SYN3: variants seen among roughly 807,000 people sequenced by gnomAD.
SYN3 encodes the protein synapsin-3.
A neutral mutation model predicts 65.8 loss-of-function variants in SYN3; 35 were observed. The ratio of observed to expected loss-of-function variants is 0.53; its 90% CI spans 0.41 to 0.70. The LOEUF (loss-of-function observed/expected upper bound fraction) is 0.70, where lower values mean the gene tolerates loss of function less well. SYN3 is among the 30% of genes least tolerant of loss of function. The pLI is 0.00. For missense variants in SYN3, 680 were observed against 749.0 expected (o/e 0.91, Z 1.08); for synonymous variants, 270 against 292.9 (o/e 0.92, Z 0.80).
intron 7 of SYN3, among the ~76,000 whole-genome samples, chr22:32,542,907 C>T (rs1356444618): frequency 1.3e-5 from 2 of 151,998 alleles, no homozygotes; most frequent in East Asian, 1.9e-4. Context: ...TCCCACTGGC[C>T]ACGGGAGCCC....
intron 2 of SYN3, among the ~76,000 whole-genome samples, chr22:33,000,335 G>A (rs1012416784): frequency 2.6e-5 from 4 of 152,176 alleles, no homozygotes; most frequent in Admixed American, 6.5e-5. Flanking sequence ...CCCAACAGGA[G>A]AGAGTATCTT....
At chr22:32,814,313 G>GGA (rs2047015340) in intron 6 of SYN3, among the ~76,000 whole-genome samples, 1 of 39,674 alleles carries the variant, frequency 2.5e-5, no homozygotes, top group African/African-American at 1.5e-4. Flanking sequence ...GAGAGAGAGA[G>GGA]AGACAGAAAG....
At chr22:32,690,486 A>G (rs2060647737) in intron 6 of SYN3, among the ~76,000 whole-genome samples, 2 of 152,154 alleles carry the variant, frequency 1.3e-5, no homozygotes, top group Non-Finnish European at 2.9e-5. Context: ...TGAGGCTCGG[A>G]TGGACCTGAG....
At chr22:32,674,761 A>G (rs2060417259) in intron 6 of SYN3, among the ~76,000 whole-genome samples, 1 of 152,198 alleles carries the variant, frequency 6.6e-6, no homozygotes, top group African/African-American at 2.4e-5. Flanking sequence ...TAGATGATAA[A>G]CAAGGCAATA....
Position 32,801,369 on chromosome 22 carries a change from C to T in SYN3, c.711+63546G>A, listed in dbSNP as rs1370417600. Among the ~76,000 whole-genome samples the T allele has an allele frequency of 6.6e-6, 1 of 152,204 alleles. No homozygotes were observed. The highest frequency in any genetic ancestry group is 2.4e-5 in the African/African-American group (1 of 41,460). On this transcript the variant is annotated intron_variant, in intron 6 of 13. Transcript: ENST00000358763. The surrounding 1 kb of genome is among the most constrained non-coding windows in gnomAD (Gnocchi z 4.7). ...GGTGTTAGTTGGTTCTGGTTTGGGTCAGAGACACCCAGTGGCCCAGGTGGG... is the reference window on the plus strand; with the variant it reads ...GGTGTTAGTTGGTTCTGGTTTGGGTTAGAGACACCCAGTGGCCCAGGTGGG...
intron 6 of SYN3, among the ~76,000 whole-genome samples, chr22:32,807,304 A>ATG (rs1256730317): frequency 7.0e-5 from 9 of 129,186 alleles, no homozygotes; most frequent in Non-Finnish European, 1.4e-4. Flanking sequence ...ATATATATAT[A>ATG]TAAATATATA....
intron 7 of SYN3, among the ~76,000 whole-genome samples, chr22:32,547,836 G>T (rs935578955): frequency 1.3e-5 from 2 of 152,146 alleles, no homozygotes; most frequent in African/African-American, 4.8e-5. Flanking sequence ...CCAATAGCAG[G>T]GAGCTTACTA....
At chr22:32,625,299 T>C (rs2059650423) in intron 6 of SYN3, among the ~76,000 whole-genome samples, 1 of 152,222 alleles carries the variant, frequency 6.6e-6, no homozygotes, top group Non-Finnish European at 1.5e-5. Flanking sequence ...CATACAAAAC[T>C]GTGGATATGG....
intron 7 of SYN3, among the ~76,000 whole-genome samples, chr22:32,561,668 A>T (rs569100329): frequency 1.3e-5 from 2 of 152,166 alleles, no homozygotes; most frequent in South Asian, 4.1e-4. Flanking sequence ...AGCAGGTGAC[A>T]TTCTGATCAG....
At chr22:32,844,903 A>AT in intron 6 of SYN3, among the ~76,000 whole-genome samples, 1 of 152,010 alleles carries the variant, frequency 6.6e-6, no homozygotes, top group Non-Finnish European at 1.5e-5. Flanking sequence ...ATAATTTTTT[A>AT]TTTTTTATAG....
At chr22:32,863,518 C>T (rs2048605740) in intron 6 of SYN3, among the ~76,000 whole-genome samples, 1 of 152,164 alleles carries the variant, frequency 6.6e-6, no homozygotes, top group Admixed American at 6.5e-5. Flanking sequence ...CAGCTGGTGA[C>T]CTTTTCCCAG....
intron 6 of SYN3, among the ~76,000 whole-genome samples, chr22:32,674,086 T>C (rs1426007317): frequency 1.3e-5 from 2 of 151,874 alleles, no homozygotes; most frequent in Non-Finnish European, 2.9e-5. Context: ...GGATGAGTGC[T>C]GGGCGGGAGG....
At chr22:32,715,778 CAAA>C (rs765122891) in intron 6 of SYN3, among the ~76,000 whole-genome samples, 459 of 67,566 alleles carry the variant, frequency 6.8e-3, no homozygotes, top group Middle Eastern at 0.025. Context: ...GACTCTGTCT[CAAA>C]AAAAAAAAAA....
intron 2 of SYN3, among the ~76,000 whole-genome samples, chr22:32,990,469 C>T (rs1387250839): frequency 1.3e-5 from 2 of 151,988 alleles, no homozygotes; most frequent in African/African-American, 4.8e-5. Flanking sequence ...CCCACCTACC[C>T]ACCCATCTAC....
chr22:32,749,024 TG>T (rs1271963522), intron 6 of SYN3, among the ~76,000 whole-genome samples: 4 of 152,204 alleles, frequency 2.6e-5, no homozygotes, highest in Non-Finnish European at 5.9e-5. Flanking sequence ...TGCTTGGCTG[TG>T]TTAATCCACT....
chr22:32,718,809 C>A (rs2061075491), intron 6 of SYN3, among the ~76,000 whole-genome samples: 1 of 152,174 alleles, frequency 6.6e-6, no homozygotes, highest in African/African-American at 2.4e-5. Flanking sequence ...TGATCACACC[C>A]TTACAGGTCT....
At position 32,899,124 on chromosome 22, in the gene SYN3, C is replaced by CAAAACAAAACAAAACAAAACAAAACAAA. The variant is rs1491045988; in HGVS notation, c.462-30000_462-29999insTTTGTTTTGTTTTGTTTTGTTTTGTTTT. On this transcript the variant is annotated intron_variant, in intron 4 of 13. Transcript: ENST00000358763. ...TCAAAAACAAAACAAAACAAAACAA[C>CAAAACAAAACAAAACAAAACAAAACAAA]GAAAAAAATGAGATGGTAGATTGAC... Among the ~76,000 whole-genome samples the CAAAACAAAACAAAACAAAACAAAACAAA allele has an allele frequency of 6.4e-3, 27 of 4,210 alleles. 1 individual carries two copies. Among genetic ancestry groups the CAAAACAAAACAAAACAAAACAAAACAAA allele is most frequent in the South Asian group, 0.018 (3 of 166 alleles). 2.8% of individuals were successfully genotyped at this position (4,210 alleles called of 152,430 possible).
chr22:32,998,911 T>C (rs1235320196), intron 2 of SYN3, among the ~76,000 whole-genome samples: 1 of 150,590 alleles, frequency 6.6e-6, no homozygotes, highest in Non-Finnish European at 1.5e-5. Context: ...TGAATAAAAA[T>C]AGAAACTCCT....
chr22:32,626,131 AG>A (rs1053460137), intron 6 of SYN3, among the ~76,000 whole-genome samples: 7 of 152,266 alleles, frequency 4.6e-5, no homozygotes, highest in Middle Eastern at 3.4e-3. Context: ...CAGTAGGCAG[AG>A]GGAATGGCTT....
Sources: allele counts gnomAD v4.1 joint callset (sites outside exome capture counted in the v4.1 genomes callset), GRCh38; gene constraint gnomAD v4.1.1; non-coding constraint Gnocchi (gnomAD v3.1); transcripts MANE v1.5; gene names NCBI Gene and HGNC (gene_info 2026-07-23, HGNC 2026-07-21).